The following BMERB1 variants were observed in gnomAD, a reference collection of about 807,000 sequenced individuals.
The protein encoded by BMERB1 is bMERB domain containing 1.
BMERB1 carries 12 observed loss-of-function variants against 23.6 expected under a neutral mutation model. The observed-to-expected ratio is 0.51, with a 90% CI of 0.33 to 0.82. BMERB1 has a LOEUF of 0.82. Among genes scored for constraint, BMERB1 ranks in the 40% least tolerant of loss-of-function variants. The probability of loss-of-function intolerance (pLI) is 0.03; values close to 1 mark genes in which losing one functional copy is unlikely to be tolerated. For synonymous variants in BMERB1, 122 were observed against 96.6 expected, an observed-to-expected ratio of 1.26 and a Z score of -1.54; for missense variants, 247 against 255.4, an observed-to-expected ratio of 0.97 and a Z score of 0.22.
intron 2 of BMERB1, among the ~76,000 whole-genome samples, chr16:15,520,795 C>G (rs1160397486): frequency 6.6e-6 from 1 of 152,142 alleles, no homozygotes; most frequent in East Asian, 1.9e-4. Context: ...CCCATAGATA[C>G]TCTTTTGGAT....
At chr16:15,554,285 G>A (rs567885136) in intron 2 of BMERB1, among the ~76,000 whole-genome samples, 1 of 152,262 alleles carries the variant, frequency 6.6e-6, no homozygotes, top group South Asian at 2.1e-4. Flanking sequence ...CTTACTCTGT[G>A]ACGTTGAACA....
intron 1 of BMERB1, among the ~76,000 whole-genome samples, chr16:15,445,770 C>G (rs2050983586): frequency 6.6e-6 from 1 of 152,186 alleles, no homozygotes; most frequent in Non-Finnish European, 1.5e-5. Flanking sequence ...CGGTGCACTT[C>G]TGGGTATTTA....
intron 1 of BMERB1, chr16:15,502,412 C>G (rs12932264): frequency 2.0e-6 from 3 of 1,497,470 alleles, no homozygotes; most frequent in Non-Finnish European, 2.7e-6. Flanking sequence ...GGCATCCTCT[C>G]CACGAGGCAG....
chr16:15,574,712 C>T (rs1353675431), intron 3 of BMERB1, among the ~76,000 whole-genome samples: 1 of 152,042 alleles, frequency 6.6e-6, no homozygotes, highest in Non-Finnish European at 1.5e-5. Flanking sequence ...GAAGCTGGGG[C>T]TCACAGGTCA....
Position 15,581,345 on chromosome 16 carries a change from G to T in BMERB1, c.419+14G>T. 1 of 1,603,548 alleles carries T rather than the reference G, an allele frequency of 6.2e-7. No homozygotes were observed. Among genetic ancestry groups the T allele is most frequent in the Non-Finnish European group, 8.5e-7 (1 of 1,172,234 alleles). ...CGAGCGGTTAAGGTGAGTGCACTGC[G>T]GGTACCCGATCACTGGGCTGCAGGA... is the stretch of plus-strand genomic sequence containing the variant. On this transcript the variant is annotated intron_variant, in intron 4 of 5. Coordinates refer to ENST00000300006, the MANE Select transcript of BMERB1 (RefSeq NM_033201.3).
intron 4 of BMERB1, among the ~76,000 whole-genome samples, chr16:15,582,443 A>G (rs1288908148): frequency 6.6e-6 from 1 of 151,996 alleles, no homozygotes; most frequent in Non-Finnish European, 1.5e-5. Context: ...TACAACAAAT[A>G]TTATATTCTC....
intron 2 of BMERB1, among the ~76,000 whole-genome samples, chr16:15,549,419 G>T (rs1466452804): frequency 6.6e-6 from 1 of 151,668 alleles, no homozygotes; most frequent in Non-Finnish European, 1.5e-5. Context: ...GGTGGCTCAC[G>T]CCTGTAATCC....
In BMERB1 at chr16:15,529,028, T is replaced by G. The variant is rs1293492617; in HGVS notation, c.230+13600T>G. Among the ~76,000 whole-genome samples, 4 of 152,184 alleles carry G rather than the reference T, an allele frequency of 2.6e-5. No homozygotes were observed. The East Asian group carries it at 7.7e-4, about 29-fold the overall frequency. The stretch of plus-strand genomic sequence containing the variant: ...CATGAAAAATAAGTGTTTGTTTGTT[T>G]GTTTGTTTGTTTGTTTGACGGAGTC... On this transcript the variant is annotated intron_variant, in intron 2 of 5. Coordinates refer to ENST00000300006, the MANE Select transcript of BMERB1 (RefSeq NM_033201.3).
intron 1 of BMERB1, among the ~76,000 whole-genome samples, chr16:15,495,625 C>G (rs369022436): frequency 6.6e-6 from 1 of 152,186 alleles, no homozygotes; most frequent in African/African-American, 2.4e-5. Flanking sequence ...CTCGGCCTCC[C>G]GAAGTGCTGG....
intron 2 of BMERB1, among the ~76,000 whole-genome samples, chr16:15,533,322 G>C (rs2051987981): frequency 6.6e-6 from 1 of 151,958 alleles, no homozygotes; most frequent in East Asian, 1.9e-4. Context: ...GACGAGAGAA[G>C]TCTCAAGGGG....
At chr16:15,565,191 A>AACG (rs2030530410) in intron 2 of BMERB1, among the ~76,000 whole-genome samples, 1 of 152,194 alleles carries the variant, frequency 6.6e-6, no homozygotes, top group African/African-American at 2.4e-5. Flanking sequence ...GACGCTGAGG[A>AACG]ACGAGGCAGA....
Position 15,566,468 on chromosome 16 carries a change from G to C in BMERB1, c.231-1515G>C, listed in dbSNP as rs1170667360. 2.6e-5 allele frequency among the ~76,000 whole-genome samples: 4 copies of C among 152,132 alleles called. No individual in the cohort carries two copies. In the East Asian group the frequency reaches 7.7e-4, roughly 29 times the overall value. ...AACAACCCAGATGTCTATGAATAGG[G>C]GAATAGTTAAATAAATTATAGTTAA... On this transcript the variant is annotated intron_variant, in intron 2 of 5. Coordinates refer to ENST00000300006, the MANE Select transcript of BMERB1 (RefSeq NM_033201.3).
chr16:15,550,456 G>T (rs190452842), intron 2 of BMERB1, among the ~76,000 whole-genome samples: 3 of 150,706 alleles, frequency 2.0e-5, no homozygotes, highest in East Asian at 3.9e-4. Flanking sequence ...CCTCAGCCCC[G>T]CAAGTTGCTG....
chr16:15,507,563 G>A (rs1028952160), intron 1 of BMERB1, among the ~76,000 whole-genome samples: 6 of 151,908 alleles, frequency 3.9e-5, no homozygotes, highest in African/African-American at 9.7e-5. Context: ...GGAAGTGTGC[G>A]TGAGAGACTT....
At chr16:15,549,618 G>A (rs2030022829) in intron 2 of BMERB1, among the ~76,000 whole-genome samples, 1 of 151,844 alleles carries the variant, frequency 6.6e-6, no homozygotes, top group East Asian at 2.0e-4. Flanking sequence ...GGCGGAGGTT[G>A]CAGTGAGCTG....
chr16:15,517,454 C>T (rs1052703884), intron 2 of BMERB1, among the ~76,000 whole-genome samples: 19 of 151,972 alleles, frequency 1.3e-4, no homozygotes, highest in Non-Finnish European at 4.4e-5. Context: ...GAGGCTACAG[C>T]GAGCTGAGAT....
intron 2 of BMERB1, among the ~76,000 whole-genome samples, chr16:15,533,499 A>G (rs1211237086): frequency 1.3e-5 from 2 of 151,866 alleles, no homozygotes; most frequent in African/African-American, 2.4e-5. Context: ...GGTTCAAACA[A>G]TCCTCCTGCG....
At chr16:15,544,577 G>A (rs1329319734) in intron 2 of BMERB1, among the ~76,000 whole-genome samples, 1 of 152,200 alleles carries the variant, frequency 6.6e-6, no homozygotes, top group African/African-American at 2.4e-5. Flanking sequence ...CCTGGCAGCC[G>A]GGAGCTGGCT....
At chr16:15,463,760 G>A (rs1002971517) in intron 1 of BMERB1, among the ~76,000 whole-genome samples, 1 of 151,860 alleles carries the variant, frequency 6.6e-6, no homozygotes, top group Non-Finnish European at 1.5e-5. Context: ...TCCTGCTGCT[G>A]TTGACACAAC....
Sources: allele counts gnomAD v4.1 joint callset (sites outside exome capture counted in the v4.1 genomes callset), GRCh38; gene constraint gnomAD v4.1.1; transcripts MANE v1.5; gene names NCBI Gene and HGNC (gene_info 2026-07-23, HGNC 2026-07-21).